Variants in ARHGEF33 observed in about 807,000 individuals in gnomAD.
The protein encoded by ARHGEF33 is Rho guanine nucleotide exchange factor 33, also known as DH and coiled-coil domain-containing protein ENSP00000381780.
ARHGEF33 carries 72 observed loss-of-function variants against 101.9 expected under a neutral mutation model. The ratio of observed to expected loss-of-function variants is 0.71; its 90% CI spans 0.58 to 0.86. ARHGEF33 has a LOEUF of 0.86. Among genes scored for constraint, ARHGEF33 ranks in the 40% least tolerant of loss-of-function variants. ARHGEF33 has a pLI of 0.00. For synonymous variants in ARHGEF33, 499 were observed against 442.5 expected, an observed-to-expected ratio of 1.13 and a Z score of -1.60; for missense variants, 1,169 against 1,111.3, an observed-to-expected ratio of 1.05 and a Z score of -0.74.
At chr2:38,915,637 G>A (rs1369908531) in intron 2 of ARHGEF33, among the ~76,000 whole-genome samples, 1 of 152,026 alleles carries the variant, frequency 6.6e-6, no homozygotes, top group African/African-American at 2.4e-5. Context: ...CTCCCAAAGT[G>A]CTGGGATTAC....
chr2:38,964,155 A>C (rs983894999), intron 16 of ARHGEF33, among the ~76,000 whole-genome samples: 1 of 152,112 alleles, frequency 6.6e-6, no homozygotes, highest in Non-Finnish European at 1.5e-5. Context: ...GTCACTGCAG[A>C]AAACCCTGCT....
intron 15 of ARHGEF33, among the ~76,000 whole-genome samples, chr2:38,958,638 A>G (rs560055714): frequency 2.2e-4 from 34 of 152,368 alleles, no homozygotes; most frequent in African/African-American, 8.2e-4. Context: ...TTCACATGTT[A>G]ACGTGAGACC....
Position 38,954,445 on chromosome 2 carries a change from A to T in ARHGEF33, c.1210A>T (p.Ile404Leu), listed in dbSNP as rs1446887835. The T allele has an allele frequency of 6.5e-7, 1 of 1,549,240 alleles. No individual in the cohort carries two copies. ...AGTCCAGCGCATCCCTGAATATCTG[A>T]TACATCTGCAGGTAGGCATGGGTGG... ...HIVQRIPEYL[I>L]HLQNVLKFTE... The change falls in exon 13 of 18, where the codon ATA (isoleucine) becomes TTA (leucine). Residue 404 changes from isoleucine (I) to leucine (L), a missense_variant. Ile to Leu is a conservative substitution (Grantham distance 5). Transcript: ENST00000409978.
chr2:38,893,446 C>T (rs1455517720), intron 1 of ARHGEF33, among the ~76,000 whole-genome samples: 2 of 152,186 alleles, frequency 1.3e-5, no homozygotes, highest in South Asian at 2.1e-4. Context: ...AGGTGTGAAC[C>T]ACTGTGCCTG....
chr2:38,907,195 G>C (rs1228310811), intron 2 of ARHGEF33, among the ~76,000 whole-genome samples: 1 of 152,158 alleles, frequency 6.6e-6, no homozygotes, highest in Admixed American at 6.5e-5. Flanking sequence ...GACCATCGCT[G>C]ACCCCTGTCA....
chr2:38,913,159 C>T (rs1281035831), intron 2 of ARHGEF33, among the ~76,000 whole-genome samples: 1 of 151,900 alleles, frequency 6.6e-6, no homozygotes, highest in Non-Finnish European at 1.5e-5. Context: ...GCCACAGCCT[C>T]CCAAGTAGCT....
chr2:38,954,286 C>A, intron 12 of ARHGEF33, 87 bp from the exon 13 acceptor site: 4 of 765,222 alleles, frequency 5.2e-6, no homozygotes, highest in Non-Finnish European at 4.5e-6. Context: ...GGGAGGAAAC[C>A]CTTCCTACCC....
rs567777256 is a variant in ARHGEF33, at chr2:38,937,493, C to G, written c.724C>G (p.Leu242Val). 1.4e-5 allele frequency: 21 copies of G among 1,551,186 alleles called. No individual in the cohort carries two copies. The Admixed American group carries it at 3.5e-4, about 26-fold the overall frequency. Residue 242 changes from leucine (L) to valine (V), a missense_variant, in exon 9 of 18, where the codon CTC becomes GTC. Physicochemically the swap from Leu to Val is conservative, Grantham distance 32. Transcript: ENST00000409978. ...EYVTKDHPDK[L>V]KEAGQGRHSS... ...CGTCACAAAAGACCACCCAGATAAACTCAAGGAGGCTGGCCAGGGTAGACA... is the reference window on the plus strand; with the variant it reads ...CGTCACAAAAGACCACCCAGATAAAGTCAAGGAGGCTGGCCAGGGTAGACA...
In ARHGEF33 at chr2:38,931,248, A is replaced by G; in HGVS notation, c.502A>G (p.Lys168Glu). The G allele has an allele frequency of 6.5e-7, 1 of 1,543,910 alleles. No individual in the cohort carries two copies. The change falls in exon 7 of 18, where the codon AAA (lysine) becomes GAA (glutamate). Residue 168 changes from lysine (K) to glutamate (E), a missense_variant. Lys to Glu is a moderately conservative substitution (Grantham distance 56). Transcript: ENST00000409978. ...CCTTTTGCCTTCTCAGGCCTACGAG[A>G]AAGGTACAGTTCACAAATCATACTG... The part of the protein sequence containing the change: ...TNLLPSQAYE[K>E]AQESRSVHVG...
At chr2:38,947,441 G>T (rs773473461) in intron 10 of ARHGEF33, among the ~76,000 whole-genome samples, 1 of 152,152 alleles carries the variant, frequency 6.6e-6, no homozygotes, top group African/African-American at 2.4e-5. Context: ...CTGGAGAAGG[G>T]TGCAGCGGCC....
intron 1 of ARHGEF33, among the ~76,000 whole-genome samples, chr2:38,895,535 CAT>C (rs1229501809): frequency 3.3e-5 from 5 of 152,118 alleles, no homozygotes; most frequent in South Asian, 2.1e-4. Context: ...GTCCCCCAAA[CAT>C]ATGAATACTG....
chr2:38,975,260 T>A lies in ARHGEF33; in HGVS notation c.*1417T>A, dbSNP rs1354053456. ...GAACACATAAAGGATCACTGCCAAG[T>A]TTTTTGAGTTTCCAGGATCTAAGTT... is the stretch of plus-strand genomic sequence containing the variant. On this transcript the variant is annotated 3_prime_UTR_variant, in exon 18 of 18. Transcript: ENST00000409978. The A allele has an allele frequency of 4.6e-5, 7 of 152,208 alleles. No homozygotes were observed. The highest frequency in any genetic ancestry group is 3.9e-4 in the Admixed American group (6 of 15,284). The allele number at this position is 152,208 out of a possible 1,614,324, so 9.4% of individuals were successfully genotyped here.
At chr2:38,942,667 A>C (rs973437268) in intron 9 of ARHGEF33, among the ~76,000 whole-genome samples, 1 of 152,084 alleles carries the variant, frequency 6.6e-6, no homozygotes, top group African/African-American at 2.4e-5. Context: ...TGTAAGATTA[A>C]AAATTTTTAT....
At chr2:38,911,384 T>G (rs1666506523) in intron 2 of ARHGEF33, among the ~76,000 whole-genome samples, 1 of 152,028 alleles carries the variant, frequency 6.6e-6, no homozygotes, top group Non-Finnish European at 1.5e-5. Flanking sequence ...GGAAATTAAC[T>G]CAAGTCTGCT....
At chr2:38,950,544 C>T (rs553658002) in intron 10 of ARHGEF33, among the ~76,000 whole-genome samples, 10 of 152,292 alleles carry the variant, frequency 6.6e-5, no homozygotes, top group East Asian at 3.9e-4. Flanking sequence ...CTGTACCTCC[C>T]GGATTCAAGT....
chr2:38,924,111 A>G (rs1444058519), intron 4 of ARHGEF33, among the ~76,000 whole-genome samples: 1 of 152,194 alleles, frequency 6.6e-6, no homozygotes, highest in Non-Finnish European at 1.5e-5. Context: ...AACTTCTAAA[A>G]CCCTAGTAGA....
chr2:38,938,084 G>C (rs1459551539), intron 9 of ARHGEF33, among the ~76,000 whole-genome samples: 1 of 152,122 alleles, frequency 6.6e-6, no homozygotes, highest in African/African-American at 2.4e-5. Flanking sequence ...ATGAAAAAAA[G>C]TATTAAAAGG....
chr2:38,927,890 T>C (rs540574038), intron 4 of ARHGEF33, among the ~76,000 whole-genome samples: 19 of 152,366 alleles, frequency 1.2e-4, no homozygotes, highest in Middle Eastern at 3.4e-3. Flanking sequence ...GCTTTTTTCA[T>C]TTGTTCAATA....
chr2:38,961,187 A>G (rs1451622269), intron 16 of ARHGEF33, among the ~76,000 whole-genome samples: 1 of 152,184 alleles, frequency 6.6e-6, no homozygotes, highest in Non-Finnish European at 1.5e-5. Flanking sequence ...GCCCTAGCTC[A>G]AGGTAGACTC....
Sources: allele counts gnomAD v4.1 joint callset (sites outside exome capture counted in the v4.1 genomes callset), GRCh38; gene constraint gnomAD v4.1.1; transcripts MANE v1.5; gene names NCBI Gene and HGNC (gene_info 2026-07-23, HGNC 2026-07-21).